Variants in ERVV-2 observed in about 807,000 individuals in gnomAD.
ERVV-2 encodes endogenous retrovirus group V member 2, envelope, also known as endogenous retrovirus group V member 2 Env polyprotein.
For synonymous variants in ERVV-2, 105 were observed against 184.6 expected, an observed-to-expected ratio of 0.57 and a Z score of 3.49; for missense variants, 291 against 495.1, an observed-to-expected ratio of 0.59 and a Z score of 3.91.
chr19:53,048,990 G>A lies in ERVV-2; in HGVS notation c.-262G>A. The A allele has an allele frequency of 1.7e-6, 1 of 603,562 alleles. No individual in the cohort carries two copies. The highest frequency in any genetic ancestry group is 3.0e-5 in the Admixed American group (1 of 33,210). 37.4% of individuals were successfully genotyped at this position (603,562 alleles called of 1,614,324 possible). On this transcript the variant is annotated 5_prime_UTR_variant, in exon 2 of 2. Transcript: ENST00000601417. ...CTGAGCATTCTTGTGAGCCACTGGA[G>A]AACTTAAAATTCCACTTCAAGTGAA...
At position 53,050,943 on chromosome 19, in the gene ERVV-2, C is replaced by A; in HGVS notation, c.*84C>A. ...TTACAGAAGACCCACGACGTCCTTA[C>A]AACCAGAGCTTTTCAGGGTCTCCAT... On this transcript the variant is annotated 3_prime_UTR_variant, in exon 2 of 2. Transcript: ENST00000601417. 1 of 1,293,992 alleles carries A rather than the reference C, an allele frequency of 7.7e-7. No individual in the cohort carries two copies. Among genetic ancestry groups the A allele is most frequent in the Non-Finnish European group, 1.0e-6 (1 of 970,212 alleles). The allele number at this position is 1,293,992 out of a possible 1,614,324, so 80.2% of individuals were successfully genotyped here. A position where few individuals can be genotyped will look rare whatever the true frequency, so the allele number is the denominator to read the frequency against.
In ERVV-2 at chr19:53,048,895, G is replaced by T; in HGVS notation, c.-357G>T. ...TCAACATTTCTGGCATCTCCAGTTG[G>T]ATACATCAGTCTCAAGTGAAACTGT... On this transcript the variant is annotated 5_prime_UTR_variant, in exon 2 of 2. Coordinates refer to ENST00000601417, the MANE Select transcript of ERVV-2 (RefSeq NM_001191055.2). The T allele has an allele frequency of 2.3e-6, 1 of 427,356 alleles. No individual in the cohort carries two copies. The highest frequency in any genetic ancestry group is 4.2e-6 in the Non-Finnish European group (1 of 236,612). The allele number at this position is 427,356 out of a possible 1,614,324, so 26.5% of individuals were successfully genotyped here. A position where few individuals can be genotyped will look rare whatever the true frequency, so the allele number is the denominator to read the frequency against.
chr19:53,045,300 A>C (rs1214201174), intron 1 of ERVV-2, among the ~76,000 whole-genome samples: 1 of 140,374 alleles, frequency 7.1e-6, no homozygotes, highest in Non-Finnish European at 1.6e-5. Context: ...GGGGAGCTTC[A>C]TATTTTTTTT....
intron 1 of ERVV-2, among the ~76,000 whole-genome samples, chr19:53,046,941 G>C (rs1397658872): frequency 6.6e-6 from 1 of 152,176 alleles, no homozygotes; most frequent in Non-Finnish European, 1.5e-5. Flanking sequence ...GCTGAGGCGG[G>C]CAGATCACGA....
chr19:53,047,717 T>C (rs2083896378), intron 1 of ERVV-2, among the ~76,000 whole-genome samples: 1 of 152,098 alleles, frequency 6.6e-6, no homozygotes, highest in Non-Finnish European at 1.5e-5. Context: ...ACCAAATAGG[T>C]AAAGGGACAC....
At chr19:53,047,877 T>A (rs980603758) in intron 1 of ERVV-2, among the ~76,000 whole-genome samples, 10 of 152,192 alleles carry the variant, frequency 6.6e-5, no homozygotes, top group African/African-American at 2.4e-4. Context: ...CTTTGCAATA[T>A]AGTTTGGTCA....
rs767204263 is a variant in ERVV-2, at chr19:53,046,005, T to TA, written c.-386+1049dup. Among the ~76,000 whole-genome samples the TA allele has an allele frequency of 1.4e-4, 21 of 152,110 alleles. 1 individual carries two copies. Among genetic ancestry groups the TA allele is most frequent in the Non-Finnish European group, 2.6e-4 (18 of 68,028 alleles). On this transcript the variant is annotated intron_variant, in intron 1 of 1. Transcript: ENST00000601417. ...GGCCGGGCACGGTGGCTCATGCCTG[T>TA]AATCTCAGCACTCTGAGAGGTTGAG...
In ERVV-2 at chr19:53,050,570, C is replaced by T. The variant is rs1162914322; in HGVS notation, c.1319C>T (p.Ala440Val). Residue 440 changes from alanine (A) to valine (V), a missense_variant, in exon 2 of 2, where the codon GCA becomes GTA. Ala to Val is a moderately conservative substitution (Grantham distance 64). Coordinates refer to ENST00000601417, the MANE Select transcript of ERVV-2 (RefSeq NM_001191055.2). ...LHDFGKGGASARAIWEAVKSA... is the reference protein window; with the variant it reads ...LHDFGKGGASVRAIWEAVKSA... ...GACTTTGGAAAAGGAGGTGCTTCAG[C>T]AAGGGCCATCTGGGAGGCTGTGAAG... 2.3e-6 allele frequency: 2 copies of T among 856,714 alleles called. No homozygotes were observed. Among genetic ancestry groups the T allele is most frequent in the Non-Finnish European group, 3.8e-6 (2 of 525,908 alleles). 53.1% of individuals were successfully genotyped at this position (856,714 alleles called of 1,614,324 possible).
intron 1 of ERVV-2, 35 bp downstream of exon 1, chr19:53,044,993 T>C (rs145143542): frequency 6.6e-6 from 1 of 152,428 alleles, no homozygotes; most frequent in Non-Finnish European, 1.5e-5. Context: ...GATTCTCTGG[T>C]TGACGACCTC....
chr19:53,047,595 C>T (rs2083896025), intron 1 of ERVV-2, among the ~76,000 whole-genome samples: 1 of 152,178 alleles, frequency 6.6e-6, no homozygotes, highest in Non-Finnish European at 1.5e-5. Flanking sequence ...CAGCAGAGCA[C>T]ACAGTAGGGC....
rs185158620 is a variant in ERVV-2 at position 53,046,885 on chromosome 19, C to A, written c.-386+1927C>A. Among the ~76,000 whole-genome samples the A allele has an allele frequency of 2.6e-5, 4 of 152,164 alleles. No individual in the cohort carries two copies. The East Asian group carries it at 7.7e-4, about 29-fold the overall frequency. ...TGATCAACATGGAGAAACCCCGTAT[C>A]GGCTGGGCACGGTGGCTGATGCCTA... On this transcript the variant is annotated intron_variant, in intron 1 of 1. Coordinates refer to ENST00000601417, the MANE Select transcript of ERVV-2 (RefSeq NM_001191055.2).
In ERVV-2 at chr19:53,051,136, CTTTTTTTTTT is replaced by C. The variant is rs57887970; in HGVS notation, c.*296_*305del. 3,104 of 111,172 alleles carry C rather than the reference CTTTTTTTTTT, an allele frequency of 0.028. 31 individuals carry two copies. The highest frequency in any genetic ancestry group is 0.07 in the Middle Eastern group (18 of 256). The allele number at this position is 111,172 out of a possible 1,614,324, so 6.9% of individuals were successfully genotyped here. On this transcript the variant is annotated 3_prime_UTR_variant, in exon 2 of 2. Coordinates refer to ENST00000601417, the MANE Select transcript of ERVV-2 (RefSeq NM_001191055.2). ...TAACCCATCCTAGAACAGCCTTTTG[CTTTTTTTTTT>C]TTTTTTTTTTTTTTTTTTGAGACAA...
chr19:53,050,642 C>A lies in ERVV-2; in HGVS notation c.1391C>A (p.Ala464Glu). 1 of 1,400,382 alleles carries A rather than the reference C, an allele frequency of 7.1e-7. No homozygotes were observed. Among genetic ancestry groups the A allele is most frequent in the Non-Finnish European group, 9.8e-7 (1 of 1,023,612 alleles). 86.7% of individuals were successfully genotyped at this position (1,400,382 alleles called of 1,614,324 possible). ...LNWFVPLLGP[A>E]TVILLLFLFG... Reference sequence around the variant, plus strand: ...TGGTTTGTCCCTTTACTGGGACCAGCAACAGTTATACTCTTACTTTTCCTC... The same window carrying A: ...TGGTTTGTCCCTTTACTGGGACCAGAAACAGTTATACTCTTACTTTTCCTC... Residue 464 changes from alanine (A) to glutamate (E), a missense_variant, in exon 2 of 2, where the codon GCA becomes GAA. Physicochemically the swap from Ala to Glu is moderately radical, Grantham distance 107. Transcript: ENST00000601417.
intron 1 of ERVV-2, among the ~76,000 whole-genome samples, chr19:53,047,032 A>T (rs2083893965): frequency 6.6e-6 from 1 of 152,092 alleles, no homozygotes; most frequent in African/African-American, 2.4e-5. Context: ...GGTGGCATGG[A>T]TCTGTTATCC....
chr19:53,050,334 G>C lies in ERVV-2; in HGVS notation c.1083G>C (p.Lys361Asn). 1.4e-6 allele frequency: 1 copy of C among 709,206 alleles called. No homozygotes were observed. Among genetic ancestry groups the C allele is most frequent in the Non-Finnish European group, 2.5e-6 (1 of 392,254 alleles). 43.9% of individuals were successfully genotyped at this position (709,206 alleles called of 1,614,324 possible). Residue 361 changes from lysine (K) to asparagine (N), a missense_variant, in exon 2 of 2, where the codon AAG becomes AAC. Coordinates refer to ENST00000601417, the MANE Select transcript of ERVV-2 (RefSeq NM_001191055.2). ...CCAGACAAATAGACAACATAGCTAA[G>C]AGTACCAGAGATAGCATCTCTAAAC... Reference protein sequence around the residue: ...NLSRQIDNIAKSTRDSISKLK... With the variant: ...NLSRQIDNIANSTRDSISKLK...
At chr19:53,045,629 G>A (rs915931285) in intron 1 of ERVV-2, among the ~76,000 whole-genome samples, 1 of 152,024 alleles carries the variant, frequency 6.6e-6, no homozygotes, top group Non-Finnish European at 1.5e-5. Flanking sequence ...CTACAATCCG[G>A]TGTTAAGTCA....
Position 53,050,702 on chromosome 19 carries a change from G to A in ERVV-2, c.1451G>A (p.Cys484Tyr), listed in dbSNP as rs138743720. 7.2e-6 allele frequency: 11 copies of A among 1,532,008 alleles called. No individual in the cohort carries two copies. Among genetic ancestry groups the A allele is most frequent in the African/African-American group, 2.7e-5 (2 of 73,012 alleles). 94.9% of individuals were successfully genotyped at this position (1,532,008 alleles called of 1,614,324 possible). Residue 484 changes from cysteine to tyrosine, a missense_variant, in exon 2 of 2, where the codon TGT becomes TAT. Physicochemically the swap from Cys to Tyr is radical, Grantham distance 194. Transcript: ENST00000601417. ...TGTTTCTTTAATTTACTGATTAAGT[G>A]TGTCTCTTCTAGGATAAAGCAATTT... ...GPCFFNLLIK[C>Y]VSSRIKQFHM...
chr19:53,050,968 T>TGGAGAC lies in ERVV-2; in HGVS notation c.*109_*110insGGAGAC. ...CAACCAGAGCTTTTCAGGGTCTCCA[T>TGGAGAC]CTCTTGAGGAGGGAAATATTAGGGT... On this transcript the variant is annotated 3_prime_UTR_variant, in exon 2 of 2. Coordinates refer to ENST00000601417, the MANE Select transcript of ERVV-2 (RefSeq NM_001191055.2). 1 of 1,072,874 alleles carries TGGAGAC rather than the reference T, an allele frequency of 9.3e-7. No homozygotes were observed. The allele number at this position is 1,072,874 out of a possible 1,614,324, so 66.5% of individuals were successfully genotyped here.
chr19:53,048,675 C>CAAAAAAAAAAAAAAAAAAAAAAAAAAAA (rs34725225), intron 1 of ERVV-2, among the ~76,000 whole-genome samples, 192 bp from the exon 2 acceptor site: 1 of 92,218 alleles, frequency 1.1e-5, no homozygotes, highest in Non-Finnish European at 2.1e-5. Flanking sequence ...AATTCCATCT[C>CAAAAAAAAAAAAAAAAAAAAAAAAAAAA]AAAAAAAAAA....
Sources: allele counts gnomAD v4.1 joint callset (sites outside exome capture counted in the v4.1 genomes callset), GRCh38; gene constraint gnomAD v4.1.1; transcripts MANE v1.5; gene names NCBI Gene and HGNC (gene_info 2026-07-23, HGNC 2026-07-21).